The following DYNC1H1 variants were observed in gnomAD, a reference collection of about 807,000 sequenced individuals.
The protein encoded by DYNC1H1 is cytoplasmic dynein 1 heavy chain 1.
DYNC1H1 carries 51 observed loss-of-function variants against 527.1 expected under a neutral mutation model. The ratio of observed to expected loss-of-function variants is 0.10; its 90% CI spans 0.08 to 0.12. DYNC1H1 has a LOEUF of 0.12. DYNC1H1 is among the 10% of genes least tolerant of loss of function. The pLI is 1.00. For synonymous variants in DYNC1H1, 2,189 were observed against 2,278.8 expected (o/e 0.96, Z 1.12); for missense variants, 2,771 against 5,971.8 (o/e 0.46, Z 17.66).
At chr14:101,994,528 T>A (rs578066892) in intron 12 of DYNC1H1, 145 bp from the exon 13 acceptor site, 2 of 1,325,478 alleles carry the variant, frequency 1.5e-6, no homozygotes, top group Admixed American at 2.3e-5. Flanking sequence ...TTTTTTGATA[T>A]GAAAATTCTG....
chr14:102,044,081 T>G lies in DYNC1H1; in HGVS notation c.12684+36T>G, dbSNP rs779929674. The G allele has an allele frequency of 1.2e-6, 2 of 1,610,956 alleles. No individual in the cohort carries two copies. Among genetic ancestry groups the G allele is most frequent in the African/African-American group, 2.7e-5 (2 of 74,860 alleles). On this transcript the variant is annotated intron_variant, in intron 70 of 77. Transcript: ENST00000360184. This position sits in a 1 kb window ranked among gnomAD's most constrained non-coding sequence, Gnocchi z 7.1. The stretch of plus-strand genomic sequence containing the variant: ...GCCATGCCAGGACAGACAGTGGACG[T>G]GTATCTGGGAAGGATGCTGCAGGGC...
chr14:102,047,901 C>T lies in DYNC1H1; in HGVS notation c.13091C>T (p.Thr4364Met), dbSNP rs750890352. The T allele has an allele frequency of 1.2e-5, 20 of 1,613,694 alleles. No homozygotes were observed. Among genetic ancestry groups the T allele is most frequent in the South Asian group, 2.2e-5 (2 of 91,078 alleles). The part of the protein sequence containing the change: ...DLAYAETEKK[T>M]RTDSTSDGRP... ...GCCTACGCAGAGACTGAGAAGAAGACGAGGACAGACTCCACGTCCGACGGG... is the reference window on the plus strand; with the variant it reads ...GCCTACGCAGAGACTGAGAAGAAGATGAGGACAGACTCCACGTCCGACGGG... The change falls in exon 73 of 78, where the codon ACG becomes ATG. Residue 4364 changes from threonine (T) to methionine (M), a missense_variant. Thr to Met is a moderately conservative substitution (Grantham distance 81). This residue lies in a region of DYNC1H1 where 170 missense variants were observed against 249.8 expected (regional missense o/e 0.68). Transcript: ENST00000360184.
At chr14:101,991,212 A>T (rs1158467085) in intron 10 of DYNC1H1, among the ~76,000 whole-genome samples, 1 of 151,338 alleles carries the variant, frequency 6.6e-6, no homozygotes, top group African/African-American at 2.4e-5. Flanking sequence ...GGTGGCTCAC[A>T]CCTGTAATCC....
chr14:101,995,879 A>T (rs1184154941), intron 15 of DYNC1H1, among the ~76,000 whole-genome samples: 1 of 151,840 alleles, frequency 6.6e-6, no homozygotes, highest in Admixed American at 6.6e-5. Flanking sequence ...TGGCCAACAT[A>T]GTGAAACCCC....
Position 102,015,902 on chromosome 14 carries a change from A to G in DYNC1H1, c.7289A>G (p.Asn2430Ser), listed in dbSNP as rs2152581954. Residue 2430 changes from asparagine (N) to serine (S), a missense_variant, in exon 36 of 78, where the codon AAC (asparagine) becomes AGC (serine). Around this residue, in one of 32 missense-constraint regions of DYNC1H1, gnomAD observed 122 missense variants for 168.4 expected, o/e 0.72. Coordinates refer to ENST00000360184, the MANE Select transcript of DYNC1H1 (RefSeq NM_001376.5). The surrounding 1 kb of genome is among the most constrained non-coding windows in gnomAD (Gnocchi z 6.9). The stretch of plus-strand genomic sequence containing the variant: ...ATCATGCAACCGTACTTCACGTCCA[A>G]CGGCCTGGTCACCAAGGCGCTAGAG... ...ATIMQPYFTS[N>S]GLVTKALEHA... is the part of the protein sequence containing the mutation. 1.2e-6 allele frequency: 2 copies of G among 1,614,256 alleles called. No individual in the cohort carries two copies. Among genetic ancestry groups the G allele is most frequent in the Non-Finnish European group, 1.7e-6 (2 of 1,180,048 alleles).
At position 101,970,409 on chromosome 14, in the gene DYNC1H1, T is replaced by G. The variant is rs538581649; in HGVS notation, c.257-5303T>G. On this transcript the variant is annotated intron_variant, in intron 1 of 77. Transcript: ENST00000360184. ...TAAAGCGGGAAAAAAAGGGAGGCCG[T>G]GTATAATAGTGATTGACCACCAGAA... Among the ~76,000 whole-genome samples the G allele has an allele frequency of 2.0e-5, 3 of 150,672 alleles. No homozygotes were observed. In the South Asian group the frequency reaches 6.3e-4, roughly 32 times the overall value.
rs1387289467 is a variant in DYNC1H1 at position 102,033,317 on chromosome 14, C to T, written c.10246C>T (p.Leu3416=). The T allele has an allele frequency of 6.2e-7, 1 of 1,614,106 alleles. No individual in the cohort carries two copies. Among genetic ancestry groups the T allele is most frequent in the East Asian group, 2.2e-5 (1 of 44,898 alleles). The change falls in exon 54 of 78, where the codon CTG becomes TTG. Residue 3416 remains leucine, a synonymous_variant. Coordinates refer to ENST00000360184, the MANE Select transcript of DYNC1H1 (RefSeq NM_001376.5). This position sits in a 1 kb window ranked among gnomAD's most constrained non-coding sequence, Gnocchi z 5.6. ...LKRVEPLRNE[L]QKLEDDAKDN... ...GAGAGTGGAGCCCCTACGCAATGAG[C>T]TGCAGAAGCTGGAAGATGACGCCAA...
At chr14:102,047,662 T>TATATATATATACAC in intron 72 of DYNC1H1, 155 bp from the exon 73 acceptor site, 1 of 599,792 alleles carries the variant, frequency 1.7e-6, no homozygotes, top group East Asian at 3.6e-5. Flanking sequence ...TATATATATA[T>TATATATATATACAC]ATGTACACAC....
chr14:101,991,192 G>C (rs187357399), intron 10 of DYNC1H1, among the ~76,000 whole-genome samples: 1 of 151,848 alleles, frequency 6.6e-6, no homozygotes, highest in African/African-American at 2.4e-5. Flanking sequence ...AAAAGCAAAG[G>C]ACTTGGCATG....
intron 14 of DYNC1H1, 41 bp downstream of exon 14, chr14:101,995,137 T>C (rs1425366048): frequency 5.6e-6 from 9 of 1,614,212 alleles, no homozygotes; most frequent in Non-Finnish European, 7.6e-6. Context: ...GGTCTACTGG[T>C]GAACCCCAGC....
At chr14:102,009,065 C>T (rs2048229629) in intron 29 of DYNC1H1, among the ~76,000 whole-genome samples, 1 of 152,168 alleles carries the variant, frequency 6.6e-6, no homozygotes, top group Non-Finnish European at 1.5e-5. Context: ...CAGTGTTCTG[C>T]CATCTGTCTT....
chr14:102,004,635 C>T lies in DYNC1H1; in HGVS notation c.5001C>T (p.Asn1667=), dbSNP rs117199211. 2.7e-3 allele frequency: 4,315 copies of T among 1,614,122 alleles called. 12 individuals are homozygous for T. The highest frequency in any genetic ancestry group is 4.4e-3 in the East Asian group (196 of 44,878). ...MFAGVSSIIL[N]EDNSVVLGIS... is the part of the protein sequence containing the mutation. ...CTGGAGTTTCGAGCATCATCCTGAA[C>T]GAGGATAACTCTGTTGTTTTGGGTA... The change falls in exon 24 of 78, where the codon AAC becomes AAT. Residue 1667 remains asparagine, a synonymous_variant. Coordinates refer to ENST00000360184, the MANE Select transcript of DYNC1H1 (RefSeq NM_001376.5).
intron 5 of DYNC1H1, among the ~76,000 whole-genome samples, chr14:101,981,074 A>T (rs559556577): frequency 1.3e-5 from 2 of 152,158 alleles, no homozygotes; most frequent in African/African-American, 4.8e-5. Flanking sequence ...AGTGCCAGTG[A>T]TGTTGTTTTT....
intron 57 of DYNC1H1, chr14:102,037,314 C>G (rs1200516070): frequency 2.6e-5 from 4 of 151,338 alleles, no homozygotes; most frequent in Non-Finnish European, 5.9e-5. Context: ...GTCCCAGCTA[C>G]TCGGGAGGCT....
Position 102,015,241 on chromosome 14 carries a change from G to A in DYNC1H1, c.7151G>A (p.Ser2384Asn), listed in dbSNP as rs1397429831. 1.2e-6 allele frequency: 2 copies of A among 1,614,266 alleles called. No individual in the cohort carries two copies. The highest frequency in any genetic ancestry group is 1.1e-5 in the South Asian group (1 of 91,090). ...IFNNFLARLR[S>N]IPLDEGEDEA... Reference sequence around the variant, plus strand: ...AACAACTTCCTGGCCAGGCTGCGCAGCATCCCGCTGGATGAAGGGGAGGAT... The same window carrying A: ...AACAACTTCCTGGCCAGGCTGCGCAACATCCCGCTGGATGAAGGGGAGGAT... The change falls in exon 35 of 78, where the codon AGC becomes AAC. Residue 2384 changes from serine to asparagine, a missense_variant. This residue lies in a region of DYNC1H1 where 122 missense variants were observed against 168.4 expected (regional missense o/e 0.72). Transcript: ENST00000360184. The surrounding 1 kb of genome is among the most constrained non-coding windows in gnomAD (Gnocchi z 6.9).
rs180690300 is a variant in DYNC1H1, at chr14:101,978,383, G to A, written c.345-936G>A. On this transcript the variant is annotated intron_variant, in intron 2 of 77. Coordinates refer to ENST00000360184, the MANE Select transcript of DYNC1H1 (RefSeq NM_001376.5). ...AGATGTGGTTTCGCCATGTTGGCCA[G>A]GCTGGTCTCGAACTCCTGACCTCAA... Among the ~76,000 whole-genome samples, 392 of 152,272 alleles carry A rather than the reference G, an allele frequency of 2.6e-3. 1 individual carries two copies. The highest frequency in any genetic ancestry group is 5.4e-3 in the Admixed American group (83 of 15,284).
rs1282568942 is a variant in DYNC1H1 at position 102,005,239 on chromosome 14, TA to T, written c.5433+4del. On this transcript the variant is annotated splice_donor_region_variant and intron_variant, in intron 26 of 77. Transcript: ENST00000360184. The surrounding 1 kb of genome is among the most constrained non-coding windows in gnomAD (Gnocchi z 4.0). ...GAAGGCGGAAGCTAGAACACTTGGT[TA>T]GTCTCACACCTGACTCCTTCCTTAC... 6.2e-7 allele frequency: 1 copy of T among 1,614,034 alleles called. No individual in the cohort carries two copies. The highest frequency in any genetic ancestry group is 8.5e-7 in the Non-Finnish European group (1 of 1,180,046).
chr14:102,024,689 ACT>A (rs2048427440), intron 43 of DYNC1H1, among the ~76,000 whole-genome samples: 2 of 106,166 alleles, frequency 1.9e-5, no homozygotes, highest in Non-Finnish European at 1.9e-5. Context: ...TTTTTTTTTA[ACT>A]CTTTTTTTTT....
intron 29 of DYNC1H1, chr14:102,009,372 C>T (rs555194259): frequency 5.3e-6 from 1 of 187,420 alleles, no homozygotes; most frequent in East Asian, 1.5e-4. Context: ...GATCAGTATT[C>T]TCTTAAGGCG....
Sources: gnomAD v4.1 joint callset for allele counts (sites outside exome capture counted in the v4.1 genomes callset) on GRCh38, gnomAD v4.1.1 for gene constraint, gnomAD v4.1.1 regional missense constraint, Gnocchi (gnomAD v3.1) non-coding constraint, MANE v1.5 for transcripts, NCBI Gene and HGNC (gene_info 2026-07-23, HGNC 2026-07-21) for gene names.